Variants in STAT6 observed in about 807,000 individuals in gnomAD.
STAT6 encodes signal transducer and activator of transcription 6.
A neutral mutation model predicts 106.3 loss-of-function variants in STAT6; 45 were observed. The ratio of observed to expected loss-of-function variants is 0.42; its 90% CI spans 0.33 to 0.54. The LOEUF (loss-of-function observed/expected upper bound fraction) is 0.54, where lower values mean the gene tolerates loss of function less well. STAT6 is among the 20% of genes least tolerant of loss of function. The pLI is 0.06. For missense variants in STAT6, 797 were observed against 1,062.2 expected (o/e 0.75, Z 3.47); for synonymous variants, 413 against 413.6 (o/e 1.00, Z 0.02).
At chr12:57,097,805 CAGG>C (rs1209866637) in intron 19 of STAT6, among the ~76,000 whole-genome samples, 3 of 151,930 alleles carry the variant, frequency 2.0e-5, no homozygotes, top group Admixed American at 6.6e-5. Flanking sequence ...TGCACTACAG[CAGG>C]AGGATTGCTC....
rs551255009 is a variant in STAT6, at chr12:57,102,621, T to G, written c.1306-125A>C. The G allele has an allele frequency of 1.7e-4, 192 of 1,108,232 alleles. 1 individual carries two copies. Among genetic ancestry groups the G allele is most frequent in the South Asian group, 8.1e-4 (53 of 65,572 alleles). The allele number at this position is 1,108,232 out of a possible 1,614,324, so 68.6% of individuals were successfully genotyped here. On this transcript the variant is annotated intron_variant, in intron 12 of 21. Coordinates refer to ENST00000300134, the MANE Select transcript of STAT6 (RefSeq NM_003153.5). ...CAGCCCCTGATATCGCTCACAAACA[T>G]GCTGTTTTTTCTAGGTTACAGTGCT...
intron 13 of STAT6, among the ~76,000 whole-genome samples, chr12:57,100,433 T>C (rs2033750057): frequency 6.6e-6 from 1 of 152,026 alleles, no homozygotes; most frequent in Non-Finnish European, 1.5e-5. Flanking sequence ...ACCCAGGCAT[T>C]CTGGCCCTGG....
intron 11 of STAT6, 37 bp from the exon 12 acceptor site, chr12:57,102,958 T>C: frequency 1.4e-6 from 1 of 711,788 alleles, no homozygotes; most frequent in Non-Finnish European, 2.1e-6. Flanking sequence ...TTTTCTTTCT[T>C]TCTTTCCTTT....
rs941555171 is a variant in STAT6 at position 57,096,549 on chromosome 12, T to C, written c.*23A>G. 1.5e-5 allele frequency: 24 copies of C among 1,554,510 alleles called. No homozygotes were observed. The highest frequency in any genetic ancestry group is 2.8e-5 in the African/African-American group (2 of 72,486). On this transcript the variant is annotated 3_prime_UTR_variant, in exon 22 of 22. Transcript: ENST00000300134. ...TGGGGGTAGTAGAAGAGCTGTCTCT[T>C]TGGGTTCTCCCTCCAGCTGGGATCA...
At chr12:57,108,441 G>T (rs548341608) in intron 1 of STAT6, 142 bp from the exon 2 acceptor site, 143 of 596,480 alleles carry the variant, frequency 2.4e-4, no homozygotes, top group South Asian at 1.2e-3. Flanking sequence ...TAAACCAGGG[G>T]CATCCTGAGT....
intron 11 of STAT6, 125 bp downstream of exon 11, chr12:57,104,339 G>A (rs1206822319): frequency 8.0e-6 from 11 of 1,379,036 alleles, no homozygotes; most frequent in Non-Finnish European, 1.1e-5. Flanking sequence ...GGGCCCCAGT[G>A]TGCATGAATC....
intron 4 of STAT6, 67 bp downstream of exon 4, chr12:57,107,164 G>T: frequency 6.6e-7 from 1 of 1,514,630 alleles, no homozygotes; most frequent in Non-Finnish European, 9.2e-7. Context: ...ATTCTTTCTA[G>T]TTTGTCATGG....
In STAT6 at chr12:57,099,163, G is replaced by A; in HGVS notation, c.1892-85C>T. ...GGAAAAGGTGGGCATGGATCATGGGGAAGTAAGAGAAGCACAGCTATGAAA... is the reference window on the plus strand; with the variant it reads ...GGAAAAGGTGGGCATGGATCATGGGAAAGTAAGAGAAGCACAGCTATGAAA... On this transcript the variant is annotated intron_variant, in intron 16 of 21. Coordinates refer to ENST00000300134, the MANE Select transcript of STAT6 (RefSeq NM_003153.5). This position sits in a 1 kb window ranked among gnomAD's most constrained non-coding sequence, Gnocchi z 4.7. 6.3e-7 allele frequency: 1 copy of A among 1,595,426 alleles called. No individual in the cohort carries two copies. Among genetic ancestry groups the A allele is most frequent in the East Asian group, 2.2e-5 (1 of 44,810 alleles).
rs2136629991 is a variant in STAT6 at position 57,111,122 on chromosome 12, C to T, written c.-22+7G>A. 1 of 151,978 alleles carries T rather than the reference C, an allele frequency of 6.6e-6. No individual in the cohort carries two copies. 9.4% of individuals were successfully genotyped at this position (151,978 alleles called of 1,614,324 possible). The stretch of plus-strand genomic sequence containing the variant: ...CCCCCGCACCCACCTCGGAGGCAAC[C>T]CCTCACCTCGGCAACCCCTCTGCTG... On this transcript the variant is annotated splice_region_variant and intron_variant, in intron 1 of 21. Transcript: ENST00000300134.
In STAT6 at chr12:57,105,221, C is replaced by T. The variant is rs1391409933; in HGVS notation, c.931G>A (p.Val311Ile). The T allele has an allele frequency of 1.9e-6, 3 of 1,614,090 alleles. No homozygotes were observed. The highest frequency in any genetic ancestry group is 2.5e-6 in the Non-Finnish European group (3 of 1,179,988). Residue 311 changes from valine to isoleucine, a missense_variant, in exon 9 of 22, where the codon GTC becomes ATC. By Grantham distance (29) the Val-to-Ile change is conservative. This residue lies in a region of STAT6 where 336 missense variants were observed against 429.8 expected (regional missense o/e 0.78). Transcript: ENST00000300134. ...TTCTCTGTCACCATGTCGGCCCTGA[C>T]CAGCGGAGGCTTGGCTGGGGCCCCC... Reference protein sequence around the residue: ...FLGAPAKPPLVRADMVTEKQA... With the variant: ...FLGAPAKPPLIRADMVTEKQA...
intron 13 of STAT6, among the ~76,000 whole-genome samples, chr12:57,100,305 G>A (rs12231245): frequency 1.3e-4 from 20 of 152,228 alleles, no homozygotes; most frequent in African/African-American, 4.8e-4. Flanking sequence ...CTCTTTACCA[G>A]GCTATGGAAG....
intron 20 of STAT6, 39 bp from the exon 21 acceptor site, chr12:57,097,017 A>C (rs1162903101): frequency 1.2e-6 from 2 of 1,600,988 alleles, no homozygotes; most frequent in Non-Finnish European, 1.7e-6. Flanking sequence ...AGAGCGGGGC[A>C]AGGCCAGGAA....
At chr12:57,108,060 G>A in intron 2 of STAT6, 103 bp downstream of exon 2, 1 of 767,108 alleles carries the variant, frequency 1.3e-6, no homozygotes, top group Non-Finnish European at 2.2e-6. Context: ...TGGAATAACA[G>A]GTCTCAAGTT....
At chr12:57,103,185 G>T in intron 11 of STAT6, 1 of 283,572 alleles carries the variant, frequency 3.5e-6, no homozygotes, top group Non-Finnish European at 6.4e-6. Context: ...TTATTTTTGA[G>T]ACAGAGTCTC....
Position 57,099,189 on chromosome 12 carries a change from TAGGG to T in STAT6, c.1891+101_1891+104del, listed in dbSNP as rs1390338300. 1.9e-6 allele frequency: 3 copies of T among 1,592,966 alleles called. No homozygotes were observed. Among genetic ancestry groups the T allele is most frequent in the African/African-American group, 2.7e-5 (2 of 74,314 alleles). On this transcript the variant is annotated intron_variant, in intron 16 of 21. Transcript: ENST00000300134. The surrounding 1 kb of genome is among the most constrained non-coding windows in gnomAD (Gnocchi z 4.7). ...AAGTAAGAGAAGCACAGCTATGAAA[TAGGG>T]AGTGACATCAGGATGACACGCGGGC...
Position 57,102,339 on chromosome 12 carries a change from C to T in STAT6, c.1463G>A (p.Ser488Asn). 6.2e-7 allele frequency: 1 copy of T among 1,614,148 alleles called. No individual in the cohort carries two copies. Among genetic ancestry groups the T allele is most frequent in the African/African-American group, 1.3e-5 (1 of 75,026 alleles). ...AQKIFNDNSL[S>N]MEAFQHRSVS... ...AGAACGGTGCTGGAAGGCCTCCATA[C>T]TGAGGCTGTTGTCATTGAAGATCTT... is the stretch of plus-strand genomic sequence containing the variant. Residue 488 changes from serine (S) to asparagine (N), a missense_variant, in exon 13 of 22, where the codon AGT becomes AAT. Physicochemically the swap from Ser to Asn is conservative, Grantham distance 46 (BLOSUM62 1). Around this residue, in one of 4 missense-constraint regions of STAT6, gnomAD observed 222 missense variants for 354.6 expected, o/e 0.63. Transcript: ENST00000300134.
intron 9 of STAT6, 35 bp from the exon 10 acceptor site, chr12:57,104,848 C>G (rs1286053926): frequency 6.2e-7 from 1 of 1,611,980 alleles, no homozygotes; most frequent in East Asian, 2.2e-5. Flanking sequence ...ACGAGCTCAT[C>G]TCACTGTCGT....
intron 2 of STAT6, 150 bp downstream of exon 2, chr12:57,108,013 G>C (rs376364066): frequency 4.8e-5 from 32 of 664,648 alleles, no homozygotes; most frequent in East Asian, 3.0e-4. Flanking sequence ...GGTCTTGATG[G>C]GGCACAGACT....
chr12:57,098,404 T>G, intron 19 of STAT6, 101 bp downstream of exon 19: 14 of 1,169,222 alleles, frequency 1.2e-5, no homozygotes, highest in Non-Finnish European at 1.7e-5. Context: ...AGACAGGCTG[T>G]TAGCATTTGC....
Sources: gnomAD v4.1 joint callset for allele counts (sites outside exome capture counted in the v4.1 genomes callset) on GRCh38, gnomAD v4.1.1 for gene constraint, gnomAD v4.1.1 regional missense constraint, Gnocchi (gnomAD v3.1) non-coding constraint, MANE v1.5 for transcripts, NCBI Gene and HGNC (gene_info 2026-07-23, HGNC 2026-07-21) for gene names.